Variants in GPC5 observed in about 807,000 individuals in gnomAD.
The protein encoded by GPC5 is glypican-5.
In GPC5, 47 loss-of-function variants were observed where a neutral mutation model predicts 53.9. The observed-to-expected ratio is 0.87, with a 90% confidence interval of 0.69 to 1.11. GPC5 has a LOEUF of 1.11. Among genes scored for constraint, GPC5 ranks in the 50% most tolerant of loss-of-function variants. The pLI is 0.00. For missense variants in GPC5, 748 were observed against 713.1 expected (o/e 1.05, Z -0.56); for synonymous variants, 286 against 263.3 (o/e 1.09, Z -0.84).
At chr13:92,246,270 C>T (rs1002479033) in intron 7 of GPC5, among the ~76,000 whole-genome samples, 3 of 152,036 alleles carry the variant, frequency 2.0e-5, no homozygotes, top group Non-Finnish European at 4.4e-5. Context: ...GGTTAGAGAG[C>T]TCTGAAATAT....
At chr13:92,726,348 C>T (rs530069874) in intron 7 of GPC5, among the ~76,000 whole-genome samples, 1 of 151,524 alleles carries the variant, frequency 6.6e-6, no homozygotes, top group Admixed American at 6.6e-5. Context: ...CTAGTTGTTT[C>T]TTTTAGAACC....
chr13:92,310,820 C>G (rs1276251318), intron 7 of GPC5, among the ~76,000 whole-genome samples: 2 of 152,004 alleles, frequency 1.3e-5, no homozygotes, highest in Non-Finnish European at 2.9e-5. Flanking sequence ...AAATAGTAAC[C>G]AGATTATAGG....
At chr13:92,446,371 C>T (rs943384539) in intron 7 of GPC5, 3 of 150,892 alleles carry the variant, frequency 2.0e-5, no homozygotes, top group Non-Finnish European at 2.9e-5. Flanking sequence ...GTGCCTGGCT[C>T]ATTGTACTTA....
At chr13:91,700,276 C>A (rs551851206) in intron 3 of GPC5, among the ~76,000 whole-genome samples, 2 of 152,284 alleles carry the variant, frequency 1.3e-5, no homozygotes, top group South Asian at 4.1e-4. Context: ...GGGCAGGTAA[C>A]AAGTTTGAAT....
chr13:92,742,361 C>T (rs1889124866), intron 7 of GPC5, among the ~76,000 whole-genome samples: 1 of 151,986 alleles, frequency 6.6e-6, no homozygotes, highest in African/African-American at 2.4e-5. Flanking sequence ...TTTCATGTGT[C>T]TTTTGGCTGC....
At chr13:91,875,183 C>T (rs1273193361) in intron 5 of GPC5, among the ~76,000 whole-genome samples, 2 of 152,024 alleles carry the variant, frequency 1.3e-5, no homozygotes, top group African/African-American at 4.8e-5. Flanking sequence ...TATTGGATGC[C>T]CTTTTGTCTA....
intron 6 of GPC5, among the ~76,000 whole-genome samples, chr13:92,024,272 T>C (rs1044774909): frequency 1.3e-5 from 2 of 152,146 alleles, no homozygotes; most frequent in Admixed American, 6.5e-5. Context: ...ATATTTTCAG[T>C]TTTTAAACAC....
chr13:92,697,203 A>T (rs1024538328), intron 7 of GPC5, among the ~76,000 whole-genome samples: 5 of 152,048 alleles, frequency 3.3e-5, no homozygotes, highest in African/African-American at 7.3e-5. Context: ...TTCCATATGA[A>T]ATTTAAAGTA....
intron 7 of GPC5, among the ~76,000 whole-genome samples, chr13:92,477,467 T>C (rs1484488481): frequency 2.6e-5 from 4 of 152,176 alleles, no homozygotes; most frequent in African/African-American, 9.7e-5. Context: ...AATTCTCTTC[T>C]GCCTACCCAG....
intron 7 of GPC5, among the ~76,000 whole-genome samples, chr13:92,677,080 T>C (rs1886966507): frequency 6.6e-6 from 1 of 152,208 alleles, no homozygotes; most frequent in Non-Finnish European, 1.5e-5. Context: ...TTGTTTAAAG[T>C]AGAACAAAAA....
intron 7 of GPC5, among the ~76,000 whole-genome samples, chr13:92,507,770 T>C (rs894698629): frequency 6.6e-6 from 1 of 152,166 alleles, no homozygotes; most frequent in African/African-American, 2.4e-5. Flanking sequence ...TGCTGATTCA[T>C]AGGAATAAAA....
intron 7 of GPC5, among the ~76,000 whole-genome samples, chr13:92,475,541 T>G (rs1240354415): frequency 6.6e-6 from 1 of 151,578 alleles, no homozygotes; most frequent in Non-Finnish European, 1.5e-5. Flanking sequence ...GTGATTTTTG[T>G]ACATTGATTT....
At chr13:92,057,193 T>C (rs1361467308) in intron 6 of GPC5, among the ~76,000 whole-genome samples, 2 of 152,126 alleles carry the variant, frequency 1.3e-5, no homozygotes, top group Non-Finnish European at 1.5e-5. Flanking sequence ...CCATCTACCA[T>C]GTAAGAAGTC....
At chr13:91,724,115 C>T (rs1201582145) in intron 3 of GPC5, among the ~76,000 whole-genome samples, 3 of 152,112 alleles carry the variant, frequency 2.0e-5, no homozygotes, top group African/African-American at 7.2e-5. Context: ...GTTGTTATAA[C>T]AGAAAAAATT....
chr13:91,735,243 A>G (rs192703887), intron 4 of GPC5, among the ~76,000 whole-genome samples: 1 of 151,234 alleles, frequency 6.6e-6, no homozygotes, highest in African/African-American at 2.5e-5. Flanking sequence ...TACATAATAC[A>G]TAGGGAATAT....
chr13:91,721,613 G>A (rs1057488624), intron 3 of GPC5, among the ~76,000 whole-genome samples: 1 of 152,166 alleles, frequency 6.6e-6, no homozygotes. Context: ...ACTACCCGAT[G>A]ATCTGGCCAG....
chr13:92,304,459 A>C (rs1926626), intron 7 of GPC5, among the ~76,000 whole-genome samples: 72,015 of 151,606 alleles, frequency 0.48, 18,858 homozygotes, highest in African/African-American at 0.72. Context: ...CTGCCTCGGC[A>C]TCCCAAAGTG....
chr13:92,206,365 C>T (rs2042337502), intron 7 of GPC5, among the ~76,000 whole-genome samples: 1 of 150,920 alleles, frequency 6.6e-6, no homozygotes, highest in South Asian at 2.1e-4. Flanking sequence ...CGGGGTTTCA[C>T]CATGTTAGCC....
intron 7 of GPC5, among the ~76,000 whole-genome samples, chr13:92,600,663 A>ATTTTT (rs112159074): frequency 3.6e-5 from 5 of 139,248 alleles, no homozygotes; most frequent in African/African-American, 1.3e-4. Flanking sequence ...ACACCCAGCT[A>ATTTTT]TTTTTTTTTT....
Sources: allele counts gnomAD v4.1 joint callset (sites outside exome capture counted in the v4.1 genomes callset), GRCh38; gene constraint gnomAD v4.1.1; transcripts MANE v1.5; gene names NCBI Gene and HGNC (gene_info 2026-07-23, HGNC 2026-07-21).